The following MGA variants were observed in gnomAD, a reference collection of about 807,000 sequenced individuals.
MGA encodes the protein MAX gene-associated protein.
In MGA, 40 loss-of-function variants were observed where a neutral mutation model predicts 261.1. That is an observed-to-expected ratio of 0.15 (90% CI 0.12 to 0.20). The LOEUF (loss-of-function observed/expected upper bound fraction) is 0.20, where lower values mean the gene tolerates loss of function less well. Among genes scored for constraint, MGA ranks in the 10% least tolerant of loss-of-function variants. The probability of loss-of-function intolerance (pLI) is 1.00; values close to 1 mark genes in which losing one functional copy is unlikely to be tolerated. For synonymous variants in MGA, 1,302 were observed against 1,290.6 expected (o/e 1.01, Z -0.19); for missense variants, 3,397 against 3,630.5 (o/e 0.94, Z 1.65).
At chr15:41,670,309 C>G (rs2057974801) in intron 2 of MGA, among the ~76,000 whole-genome samples, 1 of 151,926 alleles carries the variant, frequency 6.6e-6, no homozygotes, top group Non-Finnish European at 1.5e-5. Context: ...GAAAATCATA[C>G]CAATTATGAC....
chr15:41,673,495 G>A lies in MGA; in HGVS notation c.1064+3537G>A, dbSNP rs1197199028. Among the ~76,000 whole-genome samples, 4 of 151,732 alleles carry A rather than the reference G, an allele frequency of 2.6e-5. No homozygotes were observed. The East Asian group carries it at 5.8e-4, about 22-fold the overall frequency. On this transcript the variant is annotated intron_variant, in intron 2 of 23. Coordinates refer to ENST00000219905, the MANE Select transcript of MGA (RefSeq NM_001164273.2). ...AGCTTCCCAAAGTGGTAGGATTACA[G>A]GCGTGAGCTACCATGCCCAGCTGTT...
chr15:41,733,120 G>A (rs920484291), intron 11 of MGA, among the ~76,000 whole-genome samples: 5 of 152,006 alleles, frequency 3.3e-5, no homozygotes, highest in Admixed American at 1.3e-4. Flanking sequence ...CACCATGCCC[G>A]GCTAATTTCT....
At position 41,664,751 on chromosome 15, in the gene MGA, A is replaced by AT. The variant is rs772118670; in HGVS notation, c.-67-4067dup. On this transcript the variant is annotated intron_variant, in intron 1 of 23. Transcript: ENST00000219905. ...TTGAATTATACATCATTGTAGAGGT[A>AT]TTTTTTTTTTGCCAGTTCTTTAAGC... 5.9e-3 allele frequency among the ~76,000 whole-genome samples: 880 copies of AT among 149,454 alleles called. 7 individuals are homozygous for AT. Among genetic ancestry groups the AT allele is most frequent in the African/African-American group, 0.015 (620 of 40,820 alleles).
Position 41,696,507 on chromosome 15 carries a change from T to A in MGA, c.1497T>A (p.Ser499=). Residue 499 remains serine, a synonymous_variant, in exon 3 of 24, where the codon TCT becomes TCA. Coordinates refer to ENST00000219905, the MANE Select transcript of MGA (RefSeq NM_001164273.2). ...TTTCCACATCTCGAAAGGATAAATC[T>A]TCTATGTTGGCAGAATTGGAATATT... 6.2e-7 allele frequency: 1 copy of A among 1,614,026 alleles called. No homozygotes were observed. The highest frequency in any genetic ancestry group is 8.5e-7 in the Non-Finnish European group (1 of 1,179,902).
rs2063856859 is a variant in MGA, at chr15:41,767,442, T to C, written c.*162T>C. The C allele has an allele frequency of 1.7e-5, 12 of 703,080 alleles. No homozygotes were observed. Among genetic ancestry groups the C allele is most frequent in the Non-Finnish European group, 2.8e-5 (12 of 428,670 alleles). The allele number at this position is 703,080 out of a possible 1,614,324, so 43.6% of individuals were successfully genotyped here. A position where few individuals can be genotyped will look rare whatever the true frequency, so the allele number is the denominator to read the frequency against. The stretch of plus-strand genomic sequence containing the variant: ...AGGGGGTAGGGTGCTGACCCTGGTA[T>C]AAGAAGTACTCTGAAATTCTGATCA... On this transcript the variant is annotated 3_prime_UTR_variant, in exon 24 of 24. Transcript: ENST00000219905.
At chr15:41,704,582 T>C (rs1015939611) in intron 5 of MGA, among the ~76,000 whole-genome samples, 3 of 152,118 alleles carry the variant, frequency 2.0e-5, no homozygotes, top group Non-Finnish European at 4.4e-5. Flanking sequence ...GGCTTGAACC[T>C]GGGAGGCGGA....
At chr15:41,681,938 A>G (rs960281809) in intron 2 of MGA, among the ~76,000 whole-genome samples, 4 of 151,304 alleles carry the variant, frequency 2.6e-5, no homozygotes, top group African/African-American at 4.9e-5. Flanking sequence ...TTTTTCCGAG[A>G]TGGAGTTTTG....
chr15:41,754,462 A>C lies in MGA; in HGVS notation c.7034A>C (p.Asp2345Ala). Residue 2345 changes from aspartate to alanine, a missense_variant, in exon 18 of 24, where the codon GAT (aspartate) becomes GCT (alanine). This residue lies in a region of MGA where 1,410 missense variants were observed against 1,386.4 expected (regional missense o/e 1.02). Transcript: ENST00000219905. ...AATAACTGTGTAGAATACATTGAGG[A>C]TGATGAGGAGCACGTGGACATTGAG... The C allele has an allele frequency of 6.4e-7, 1 of 1,555,684 alleles. No homozygotes were observed.
intron 6 of MGA, 69 bp downstream of exon 6, chr15:41,707,928 AAAAAGCT>A: frequency 6.5e-7 from 1 of 1,538,512 alleles, no homozygotes; most frequent in Non-Finnish European, 8.8e-7. Flanking sequence ...TAACGTAAGT[AAAAAGCT>A]ACCTTTATTG....
chr15:41,664,517 G>A (rs899347846), intron 1 of MGA, among the ~76,000 whole-genome samples: 1 of 152,178 alleles, frequency 6.6e-6, no homozygotes, highest in Non-Finnish European at 1.5e-5. Flanking sequence ...ACCTTTTCAT[G>A]TAATTTATAG....
At position 41,669,908 on chromosome 15, in the gene MGA, T is replaced by C. The variant is rs551683289; in HGVS notation, c.1014T>C (p.Thr338=). 1 of 1,614,020 alleles carries C rather than the reference T, an allele frequency of 6.2e-7. No individual in the cohort carries two copies. The highest frequency in any genetic ancestry group is 2.2e-5 in the East Asian group (1 of 44,886). Residue 338 remains threonine (T), a synonymous_variant, in exon 2 of 24, where the codon ACT becomes ACC. Coordinates refer to ENST00000219905, the MANE Select transcript of MGA (RefSeq NM_001164273.2). ...GAGACTTTCTTGGTTTCATGGATAC[T>C]GATTCAGCACTTAGTGAAGTTCCTC... is the stretch of plus-strand genomic sequence containing the variant.
intron 12 of MGA, among the ~76,000 whole-genome samples, chr15:41,735,188 G>A (rs1481931211): frequency 1.3e-5 from 2 of 152,162 alleles, no homozygotes; most frequent in Non-Finnish European, 1.5e-5. Context: ...TAGGGTGGAG[G>A]GAACCTGCCT....
chr15:41,665,873 C>T (rs1027749880), intron 1 of MGA, among the ~76,000 whole-genome samples: 4 of 151,910 alleles, frequency 2.6e-5, no homozygotes, highest in Non-Finnish European at 4.4e-5. Context: ...ATATATGTGA[C>T]CTTTTTCTTT....
chr15:41,714,994 C>A (rs1305629748), intron 9 of MGA, among the ~76,000 whole-genome samples: 1 of 151,882 alleles, frequency 6.6e-6, no homozygotes, highest in Non-Finnish European at 1.5e-5. Context: ...CTTTAGTTTG[C>A]AGAAGCTTTA....
intron 2 of MGA, among the ~76,000 whole-genome samples, chr15:41,689,260 T>A (rs1874435008): frequency 6.6e-6 from 1 of 152,032 alleles, no homozygotes; most frequent in South Asian, 2.1e-4. Context: ...TCTCCCTCTC[T>A]CTGTGGCTCG....
At chr15:41,637,461 G>A (rs191699965) in intron 1 of MGA, among the ~76,000 whole-genome samples, 7 of 152,220 alleles carry the variant, frequency 4.6e-5, no homozygotes, top group African/African-American at 1.4e-4. Flanking sequence ...TAAAGTTAGC[G>A]TCAAAGGCAA....
chr15:41,750,616 G>A lies in MGA; in HGVS notation c.7008+1G>A, dbSNP rs887832212. 42 of 1,598,812 alleles carry A rather than the reference G, an allele frequency of 2.6e-5. No individual in the cohort carries two copies. Among genetic ancestry groups the A allele is most frequent in the East Asian group, 6.7e-5 (3 of 44,680 alleles). On this transcript the variant is annotated splice_donor_variant, in intron 17 of 23. Transcript: ENST00000219905. LOFTEE classifies it high-confidence loss of function. ...TGAGGAGGTTGATGATGTAGAAAAG[G>A]TGGTGAGCCCATTTTTGTTGTGACT...
rs527295389 is a variant in MGA, at chr15:41,720,567, T to G, written c.3431-6613T>G. ...AAAACTAAGGCCAGACGCGATGGCT[T>G]ACACCTGTAATCCTAGCACTTTGAG... is the stretch of plus-strand genomic sequence containing the variant. On this transcript the variant is annotated intron_variant, in intron 9 of 23. Coordinates refer to ENST00000219905, the MANE Select transcript of MGA (RefSeq NM_001164273.2). Among the ~76,000 whole-genome samples the G allele has an allele frequency of 2.8e-4, 43 of 152,136 alleles. 1 individual carries two copies. In the South Asian group the frequency reaches 7.9e-3, roughly 28 times the overall value.
intron 2 of MGA, among the ~76,000 whole-genome samples, chr15:41,673,794 C>T (rs1312480833): frequency 6.6e-6 from 1 of 152,068 alleles, no homozygotes; most frequent in South Asian, 2.1e-4. Context: ...CCACCTGCCT[C>T]AACCTCCCAA....
Sources: gnomAD v4.1 joint callset for allele counts (sites outside exome capture counted in the v4.1 genomes callset) on GRCh38, gnomAD v4.1.1 for gene constraint, gnomAD v4.1.1 regional missense constraint, MANE v1.5 for transcripts, NCBI Gene and HGNC (gene_info 2026-07-23, HGNC 2026-07-21) for gene names.